PACRG: variants seen among roughly 807,000 people sequenced by gnomAD.
The protein encoded by PACRG is parkin coregulated.
A neutral mutation model predicts 29.7 loss-of-function variants in PACRG; 29 were observed. The ratio of observed to expected loss-of-function variants is 0.98; its 90% CI spans 0.73 to 1.33. The LOEUF (loss-of-function observed/expected upper bound fraction) is 1.33. Among genes scored for constraint, PACRG ranks in the 40% most tolerant of loss-of-function variants. PACRG has a pLI of 0.00. For missense variants in PACRG, 279 were observed against 316.2 expected, an observed-to-expected ratio of 0.88 and a Z score of 0.89; for synonymous variants, 116 against 118.7, an observed-to-expected ratio of 0.98 and a Z score of 0.15.
At chr6:163,191,026 A>C (rs1283451556) in intron 4 of PACRG, 1 of 447,006 alleles carries the variant, frequency 2.2e-6, no homozygotes, top group Non-Finnish European at 4.5e-6. Flanking sequence ...AGAATACTGA[A>C]TTTAAAATAT....
intron 4 of PACRG, among the ~76,000 whole-genome samples, chr6:163,122,882 T>C (rs1816355683): frequency 6.6e-6 from 1 of 152,164 alleles, no homozygotes; most frequent in African/African-American, 2.4e-5. Flanking sequence ...AAGTTTCCTT[T>C]TGCGTGTCTG....
At chr6:163,211,590 G>A (rs1461172914) in intron 4 of PACRG, among the ~76,000 whole-genome samples, 1 of 152,110 alleles carries the variant, frequency 6.6e-6, no homozygotes, top group Non-Finnish European at 1.5e-5. Context: ...CACATTTGTT[G>A]TAATTCTCGG....
At chr6:162,858,332 C>G (rs1303815043) in intron 2 of PACRG, among the ~76,000 whole-genome samples, 1 of 152,076 alleles carries the variant, frequency 6.6e-6, no homozygotes, top group African/African-American at 2.4e-5. Context: ...ACCATCAGAT[C>G]TCATGAGAAC....
At chr6:162,787,138 GCTC>G (rs1408704672) in intron 1 of PACRG, among the ~76,000 whole-genome samples, 3 of 152,106 alleles carry the variant, frequency 2.0e-5, no homozygotes, top group African/African-American at 7.2e-5. Context: ...TTTATGGGTA[GCTC>G]CTCTGTGCTT....
At chr6:162,747,906 ACAT>A (rs747202529) in intron 1 of PACRG, among the ~76,000 whole-genome samples, 2 of 152,150 alleles carry the variant, frequency 1.3e-5, no homozygotes, top group Non-Finnish European at 2.9e-5. Flanking sequence ...ACCTGGGCTA[ACAT>A]CATATTTTCT....
At chr6:162,898,112 A>C (rs1795298328) in intron 2 of PACRG, among the ~76,000 whole-genome samples, 1 of 152,200 alleles carries the variant, frequency 6.6e-6, no homozygotes, top group Non-Finnish European at 1.5e-5. Flanking sequence ...TAGGTTTCTG[A>C]TGAAAGTAGG....
rs199591113 is a variant in PACRG, at chr6:162,975,761, CCTT to C, written c.292-86383_292-86381del. Among the ~76,000 whole-genome samples, 1,052 of 113,974 alleles carry C rather than the reference CCTT, an allele frequency of 9.2e-3. 16 individuals carry two copies. Among genetic ancestry groups the C allele is most frequent in the African/African-American group, 0.029 (1,006 of 34,274 alleles). 74.8% of individuals were successfully genotyped at this position (113,974 alleles called of 152,430 possible). On this transcript the variant is annotated intron_variant, in intron 2 of 4. Coordinates refer to ENST00000366888, the MANE Select transcript of PACRG (RefSeq NM_001080379.2). ...AATTCAAATAAAATCTTTAGCAGGT[CCTT>C]CTTCTCTCCCTCCCTTCTTCTCTCC...
intron 1 of PACRG, among the ~76,000 whole-genome samples, chr6:162,790,732 G>A (rs1784865807): frequency 6.6e-6 from 1 of 151,970 alleles, no homozygotes; most frequent in Admixed American, 6.6e-5. Context: ...TTTCTTTTTG[G>A]AAGAAGAGTG....
intron 4 of PACRG, among the ~76,000 whole-genome samples, chr6:163,257,884 G>C (rs1458117377): frequency 6.6e-6 from 1 of 152,040 alleles, no homozygotes; most frequent in Admixed American, 6.6e-5. Flanking sequence ...AATTAACAAG[G>C]CTATTAATTT....
chr6:162,729,343 G>A (rs1779561695), intron 1 of PACRG, among the ~76,000 whole-genome samples: 1 of 152,108 alleles, frequency 6.6e-6, no homozygotes, highest in South Asian at 2.1e-4. Flanking sequence ...TTGTTTTCCA[G>A]TGTCACATTA....
chr6:162,852,332 A>G (rs945071388), intron 2 of PACRG, among the ~76,000 whole-genome samples: 3 of 151,962 alleles, frequency 2.0e-5, no homozygotes, highest in Non-Finnish European at 4.4e-5. Context: ...TTCTCAGACA[A>G]CTCCCAGAAG....
intron 4 of PACRG, among the ~76,000 whole-genome samples, chr6:163,230,189 C>A (rs1299333049): frequency 6.6e-6 from 1 of 152,188 alleles, no homozygotes; most frequent in African/African-American, 2.4e-5. Context: ...AAATATGAAT[C>A]TTCTTTACTA....
At chr6:162,989,343 A>T (rs1245962597) in intron 2 of PACRG, among the ~76,000 whole-genome samples, 1 of 152,196 alleles carries the variant, frequency 6.6e-6, no homozygotes, top group Non-Finnish European at 1.5e-5. Flanking sequence ...TGACAGATGT[A>T]TCATAATGGC....
intron 1 of PACRG, among the ~76,000 whole-genome samples, chr6:162,792,346 A>C (rs1461894314): frequency 2.0e-5 from 3 of 152,076 alleles, no homozygotes; most frequent in Admixed American, 6.5e-5. Flanking sequence ...AAATAATTGG[A>C]TTTTCAGGAT....
At chr6:162,849,833 T>C (rs1287341024) in intron 2 of PACRG, among the ~76,000 whole-genome samples, 1 of 152,228 alleles carries the variant, frequency 6.6e-6, no homozygotes, top group African/African-American at 2.4e-5. Flanking sequence ...TGACAGTAAA[T>C]AGTCGCTAAT....
chr6:162,995,133 G>T (rs1376397893), intron 2 of PACRG, among the ~76,000 whole-genome samples: 2 of 150,594 alleles, frequency 1.3e-5, no homozygotes, highest in Non-Finnish European at 2.9e-5. Flanking sequence ...GAGAACCACT[G>T]CTCTCTTCAA....
chr6:163,114,572 G>T (rs1334292500), intron 4 of PACRG, among the ~76,000 whole-genome samples: 1 of 152,092 alleles, frequency 6.6e-6, no homozygotes, highest in Admixed American at 6.5e-5. Context: ...GAACCTGGAG[G>T]ACATTATACT....
At chr6:163,090,073 A>G (rs1263566162) in intron 4 of PACRG, among the ~76,000 whole-genome samples, 1 of 121,954 alleles carries the variant, frequency 8.2e-6, no homozygotes, top group African/African-American at 4.6e-5. Flanking sequence ...CATGCATGTT[A>G]TAAGTCAACA....
intron 2 of PACRG, chr6:162,997,527 G>A: frequency 2.4e-6 from 1 of 419,630 alleles, no homozygotes; most frequent in Non-Finnish European, 4.7e-6. Flanking sequence ...CTGGAAATTG[G>A]AAAAATTCAA....
Sources: allele counts gnomAD v4.1 joint callset (sites outside exome capture counted in the v4.1 genomes callset), GRCh38; gene constraint gnomAD v4.1.1; transcripts MANE v1.5; gene names NCBI Gene and HGNC (gene_info 2026-07-23, HGNC 2026-07-21).